TENM1: variants seen among roughly 807,000 people sequenced by gnomAD.
TENM1 encodes teneurin transmembrane protein 1, also known as teneurin-1.
A neutral mutation model predicts 174.8 loss-of-function variants in TENM1; 35 were observed. That is an observed-to-expected ratio of 0.20 (90% CI 0.15 to 0.27). TENM1 has a LOEUF of 0.27. TENM1 is among the 10% of genes least tolerant of loss of function. The probability of loss-of-function intolerance (pLI) is 1.00; values close to 1 mark genes in which losing one functional copy is unlikely to be tolerated. For synonymous variants in TENM1, 781 were observed against 798.7 expected (o/e 0.98, Z 0.37); for missense variants, 1,633 against 2,130.1 (o/e 0.77, Z 4.59).
chrX:124,800,153 C>T (rs1175220694), intron 3 of TENM1, among the ~76,000 whole-genome samples: 2 of 111,564 alleles, frequency 1.8e-5, no homozygotes, highest in Non-Finnish European at 3.8e-5. Flanking sequence ...TTTTCAATTA[C>T]TTGAAATAGT....
In TENM1 at chrX:124,894,367, A is replaced by T; in HGVS notation, c.479-15T>A. The T allele has an allele frequency of 8.6e-7, 1 of 1,167,946 alleles. No individual in the cohort carries two copies. The highest frequency in any genetic ancestry group is 1.9e-5 in the South Asian group (1 of 53,474). On this transcript the variant is annotated splice_polypyrimidine_tract_variant and intron_variant, in intron 2 of 31. Transcript: ENST00000422452. ...GAATTTGAAACCTGTAACAGTAAAC[A>T]TTTCACTAGTTAAGCCTTGTCCAAG...
At chrX:124,813,876 T>C (rs766459697) in intron 3 of TENM1, among the ~76,000 whole-genome samples, 2 of 111,434 alleles carry the variant, frequency 1.8e-5, no homozygotes, top group African/African-American at 6.5e-5. Flanking sequence ...CAATTCCATA[T>C]GGTTCAAAAA....
intron 11 of TENM1, among the ~76,000 whole-genome samples, chrX:124,605,204 TTC>T (rs2050123860): frequency 1.0e-5 from 1 of 100,409 alleles, no homozygotes. Context: ...CAATACTGCT[TTC>T]ACCATACTAG....
chrX:125,049,950 T>C, the TENM1 span, among the ~76,000 whole-genome samples: 1 of 110,107 alleles, frequency 9.1e-6, no homozygotes, highest in Non-Finnish European at 1.9e-5. Context: ...TTTTCCATTC[T>C]ATGGGTTGTC....
chrX:124,734,348 G>A (rs972308882), intron 4 of TENM1, among the ~76,000 whole-genome samples: 7 of 110,939 alleles, frequency 6.3e-5, no homozygotes, highest in Non-Finnish European at 1.3e-4. Flanking sequence ...TACTCTGGAC[G>A]CTGAGGCAGG....
At chrX:124,481,928 G>T (rs1569534068) in exon 22 of TENM1, 4 of 1,199,030 alleles carry the variant, frequency 3.3e-6, no homozygotes, top group Non-Finnish European at 4.5e-6. Context: ...CAGACACAGG[G>T]TCCATAGCCA....
the TENM1 span, among the ~76,000 whole-genome samples, chrX:124,970,789 T>G: frequency 1.8e-5 from 2 of 111,212 alleles, no homozygotes; most frequent in African/African-American, 6.6e-5. Context: ...TTACTGGGTA[T>G]GTACCCAAAG....
At chrX:124,909,719 T>C (rs996336977) in intron 1 of TENM1, among the ~76,000 whole-genome samples, 13 of 112,378 alleles carry the variant, frequency 1.2e-4, no homozygotes, top group African/African-American at 3.9e-4. Context: ...CATCTGTGTC[T>C]GCAGGCGGAC....
upstream of TENM1, among the ~76,000 whole-genome samples, chrX:124,964,813 A>G (rs2058704946): frequency 8.9e-6 from 1 of 112,447 alleles, no homozygotes; most frequent in African/African-American, 3.2e-5. Context: ...ATGTTTAAAA[A>G]TGTAGTTAGA....
At chrX:124,459,198 C>G (rs1048369429) in intron 22 of TENM1, among the ~76,000 whole-genome samples, 3 of 111,684 alleles carry the variant, frequency 2.7e-5, no homozygotes, top group Non-Finnish European at 3.8e-5. Flanking sequence ...TCTGAAGAAC[C>G]ATGTTGAATT....
Position 124,546,854 on chromosome X carries a change from T to A in TENM1, c.2651+20A>T, listed in dbSNP as rs2048442642. On this transcript the variant is annotated intron_variant, in intron 15 of 31. Coordinates refer to ENST00000422452, the Ensembl canonical transcript of TENM1. ...AACATGACCATTGTTCACTAAGGAA[T>A]AAAATAAATACATATGTACCTGCTG... is the stretch of plus-strand genomic sequence containing the variant. 3 of 1,140,139 alleles carry A rather than the reference T, an allele frequency of 2.6e-6. No homozygotes were observed. In the South Asian group the frequency reaches 5.5e-5, roughly 21 times the overall value. The allele number at this position is 1,140,139 out of a possible 1,213,427, so 94.0% of individuals were successfully genotyped here.
intron 23 of TENM1, among the ~76,000 whole-genome samples, chrX:124,436,060 G>T (rs2060833081): frequency 9.0e-6 from 1 of 111,571 alleles, no homozygotes; most frequent in South Asian, 3.8e-4. Context: ...GTGACAAACA[G>T]TCCACTCTAA....
At chrX:124,886,186 G>A (rs966436665) in intron 3 of TENM1, among the ~76,000 whole-genome samples, 2 of 110,640 alleles carry the variant, frequency 1.8e-5, no homozygotes, top group African/African-American at 3.3e-5. Context: ...AAACTCTGTT[G>A]ATAAGAGCAC....
At chrX:124,766,583 G>A (rs1269130491) in intron 3 of TENM1, among the ~76,000 whole-genome samples, 3 of 111,182 alleles carry the variant, frequency 2.7e-5, no homozygotes, top group Admixed American at 9.6e-5. Context: ...CCACATTATT[G>A]GTTTTAACAT....
chrX:124,469,129 C>T (rs1009662628), intron 22 of TENM1, among the ~76,000 whole-genome samples: 5 of 111,655 alleles, frequency 4.5e-5, no homozygotes, highest in African/African-American at 6.5e-5. Flanking sequence ...GAATTTTCCA[C>T]GTAAACAGAA....
intron 11 of TENM1, among the ~76,000 whole-genome samples, chrX:124,580,660 G>A (rs1457908222): frequency 9.0e-6 from 1 of 110,919 alleles, no homozygotes; most frequent in Non-Finnish European, 1.9e-5. Context: ...TGTACAACAT[G>A]AGGACCATAG....
At chrX:124,615,232 T>C (rs1159669782) in intron 11 of TENM1, among the ~76,000 whole-genome samples, 1 of 112,424 alleles carries the variant, frequency 8.9e-6, no homozygotes, top group Non-Finnish European at 1.9e-5. Context: ...CAGGTGTTCC[T>C]GTATGAAAGT....
exon 24 of TENM1, chrX:124,422,469 T>C (rs369933683): frequency 8.3e-7 from 1 of 1,209,427 alleles, no homozygotes; most frequent in Non-Finnish European, 1.1e-6. Flanking sequence ...AATTGCTACC[T>C]TGCTGACCAG....
chrX:124,402,298 C>A (rs191702645), intron 27 of TENM1, among the ~76,000 whole-genome samples: 15 of 112,156 alleles, frequency 1.3e-4, no homozygotes, highest in African/African-American at 3.9e-4. Context: ...CATGGTAACA[C>A]CACCTGGCCA....
Sources: gnomAD v4.1 joint callset for allele counts (sites outside exome capture counted in the v4.1 genomes callset) on GRCh38, gnomAD v4.1.1 for gene constraint, MANE v1.5 for transcripts, NCBI Gene and HGNC (gene_info 2026-07-23, HGNC 2026-07-21) for gene names.